The following UBE3C variants were observed in gnomAD, a reference collection of about 807,000 sequenced individuals.
UBE3C encodes the protein ubiquitin-protein ligase E3C.
A neutral mutation model predicts 129.4 loss-of-function variants in UBE3C; 42 were observed. That is an observed-to-expected ratio of 0.32 (90% CI 0.25 to 0.42). UBE3C has a LOEUF of 0.42. UBE3C is among the 10% of genes least tolerant of loss of function. UBE3C has a pLI of 1.00. For synonymous variants in UBE3C, 510 were observed against 492.4 expected, an observed-to-expected ratio of 1.04 and a Z score of -0.47; for missense variants, 1,049 against 1,319.1, an observed-to-expected ratio of 0.80 and a Z score of 3.17.
At chr7:157,214,929 T>G (rs1215980827) in intron 13 of UBE3C, among the ~76,000 whole-genome samples, 3 of 152,204 alleles carry the variant, frequency 2.0e-5, no homozygotes, top group Non-Finnish European at 4.4e-5. Context: ...TTGTAAGATG[T>G]TGTATGTGCA....
chr7:157,139,768 C>T (rs1319777660), intron 1 of UBE3C, among the ~76,000 whole-genome samples: 1 of 152,254 alleles, frequency 6.6e-6, no homozygotes, highest in Non-Finnish European at 1.5e-5. Context: ...ATGCGCTTTC[C>T]ATGCTCGCTC....
chr7:157,168,080 G>A (rs1312280012), intron 2 of UBE3C, among the ~76,000 whole-genome samples: 1 of 151,988 alleles, frequency 6.6e-6, no homozygotes. Flanking sequence ...AGCCGGGCAC[G>A]GTGGCTCATG....
At chr7:157,139,421 G>T in intron 1 of UBE3C, 83 bp downstream of exon 1, 2 of 1,343,418 alleles carry the variant, frequency 1.5e-6, no homozygotes, top group South Asian at 1.5e-5. Flanking sequence ...CTGGACTCGG[G>T]GCTGGACTCG....
At chr7:157,162,179 A>C (rs1277726572) in intron 1 of UBE3C, among the ~76,000 whole-genome samples, 1 of 152,130 alleles carries the variant, frequency 6.6e-6, no homozygotes, top group African/African-American at 2.4e-5. Flanking sequence ...GATAAAGTAT[A>C]TCTCTTAAGA....
At chr7:157,239,166 G>A (rs1025335237) in intron 18 of UBE3C, among the ~76,000 whole-genome samples, 2 of 152,110 alleles carry the variant, frequency 1.3e-5, no homozygotes, top group African/African-American at 4.8e-5. Flanking sequence ...GAATGTTTAT[G>A]GTAACACTGT....
rs764847217 is a variant in UBE3C, at chr7:157,254,106, C to T, written c.2847C>T (p.Leu949=). 19 of 1,612,242 alleles carry T rather than the reference C, an allele frequency of 1.2e-5. No individual in the cohort carries two copies. The highest frequency in any genetic ancestry group is 1.4e-5 in the Non-Finnish European group (16 of 1,179,282). Residue 949 remains leucine (L), a synonymous_variant, in exon 20 of 23, where the codon CTC becomes CTT. Transcript: ENST00000348165. ...FRQGLANVVS[L]EWLRMFDQQE... ...AGGGCCTTGCCAATGTCGTCAGCCT[C>T]GAGTGGCTCCGAATGTTTGATCAGC...
At chr7:157,262,618 A>G (rs1796950528) in intron 22 of UBE3C, among the ~76,000 whole-genome samples, 1 of 151,538 alleles carries the variant, frequency 6.6e-6, no homozygotes, top group Non-Finnish European at 1.5e-5. Context: ...GCAGGATTTC[A>G]CCATGTTGGC....
chr7:157,171,472 TTC>T (rs1472344236), intron 4 of UBE3C, among the ~76,000 whole-genome samples: 1 of 151,596 alleles, frequency 6.6e-6, no homozygotes, highest in African/African-American at 2.4e-5. Context: ...GTAATCGTAG[TTC>T]TCTAAAATTT....
At chr7:157,155,649 A>G (rs1443008532) in intron 1 of UBE3C, among the ~76,000 whole-genome samples, 1 of 152,342 alleles carries the variant, frequency 6.6e-6, no homozygotes, top group South Asian at 2.1e-4. Context: ...TGTTACCACT[A>G]AATTTATTTA....
chr7:157,180,297 T>C (rs1193703317), intron 6 of UBE3C, among the ~76,000 whole-genome samples: 3 of 152,250 alleles, frequency 2.0e-5, no homozygotes, highest in Non-Finnish European at 4.4e-5. Flanking sequence ...AGTAAGTACA[T>C]TGTTAGTTAT....
intron 13 of UBE3C, among the ~76,000 whole-genome samples, chr7:157,211,142 C>T (rs1304275512): frequency 7.5e-6 from 1 of 133,280 alleles, no homozygotes; most frequent in African/African-American, 3.1e-5. Context: ...AGGAAGGTTC[C>T]CATGCCCTCA....
At chr7:157,198,475 C>G in intron 10 of UBE3C, 1 of 454,706 alleles carries the variant, frequency 2.2e-6, no homozygotes, top group Non-Finnish European at 4.0e-6. Context: ...GATCTCCTCT[C>G]CTGCTCACCG....
At chr7:157,180,961 C>T (rs79206673) in intron 6 of UBE3C, among the ~76,000 whole-genome samples, 1,933 of 152,288 alleles carry the variant, frequency 0.013, 42 homozygotes, top group African/African-American at 0.045. Context: ...CCCGGGGCCC[C>T]AGGTGGAGCA....
At chr7:157,259,830 G>A (rs1345365602) in intron 22 of UBE3C, among the ~76,000 whole-genome samples, 2 of 152,130 alleles carry the variant, frequency 1.3e-5, no homozygotes, top group African/African-American at 4.8e-5. Context: ...CATTTAAAGG[G>A]ATAATCTTAT....
intron 2 of UBE3C, among the ~76,000 whole-genome samples, chr7:157,165,056 A>T (rs979244556): frequency 6.6e-6 from 1 of 152,060 alleles, no homozygotes; most frequent in African/African-American, 2.4e-5. Flanking sequence ...TGCCAGTAGC[A>T]CTCCGTTACC....
chr7:157,153,477 A>G (rs771611763), intron 1 of UBE3C, among the ~76,000 whole-genome samples: 4 of 152,092 alleles, frequency 2.6e-5, no homozygotes, highest in Non-Finnish European at 5.9e-5. Flanking sequence ...TTTGTTTTTA[A>G]CAGAGTCCAG....
chr7:157,190,905 C>T (rs538519131), intron 10 of UBE3C, among the ~76,000 whole-genome samples: 8 of 152,174 alleles, frequency 5.3e-5, no homozygotes, highest in East Asian at 3.9e-4. Context: ...CATGGTGTTT[C>T]GTGCCCCTTT....
intron 4 of UBE3C, among the ~76,000 whole-genome samples, chr7:157,174,146 C>T (rs1158007458): frequency 1.3e-5 from 2 of 152,004 alleles, no homozygotes; most frequent in African/African-American, 2.4e-5. Flanking sequence ...GTGGATCACT[C>T]GAGGCCAGGA....
chr7:157,262,761 C>T lies in UBE3C; in HGVS notation c.3082-4824C>T, dbSNP rs115294788. 3.8e-3 allele frequency among the ~76,000 whole-genome samples: 586 copies of T among 152,212 alleles called. 4 individuals are homozygous for T. Among genetic ancestry groups the T allele is most frequent in the African/African-American group, 0.014 (563 of 41,518 alleles). On this transcript the variant is annotated intron_variant, in intron 22 of 22. Coordinates refer to ENST00000348165, the MANE Select transcript of UBE3C (RefSeq NM_014671.3). ...GTGGGCTGTGCTCTTACTAGTTTTACCCTTAACATAAATTATATGCTAAAC... is the reference window on the plus strand; with the variant it reads ...GTGGGCTGTGCTCTTACTAGTTTTATCCTTAACATAAATTATATGCTAAAC...
Sources: gnomAD v4.1 joint callset for allele counts (sites outside exome capture counted in the v4.1 genomes callset) on GRCh38, gnomAD v4.1.1 for gene constraint, MANE v1.5 for transcripts, NCBI Gene and HGNC (gene_info 2026-07-23, HGNC 2026-07-21) for gene names.